TACC2: variants seen among roughly 807,000 people sequenced by gnomAD.
The protein encoded by TACC2 is transforming acidic coiled-coil containing protein 2, also known as transforming acidic coiled-coil-containing protein 2.
TACC2 carries 137 observed loss-of-function variants against 227.3 expected under a neutral mutation model. The observed-to-expected ratio is 0.60, with a 90% CI of 0.52 to 0.69. The LOEUF (loss-of-function observed/expected upper bound fraction) is 0.69, where lower values mean the gene tolerates loss of function less well. Among genes scored for constraint, TACC2 ranks in the 30% least tolerant of loss-of-function variants. The probability of loss-of-function intolerance (pLI) is 0.00; values close to 1 mark genes in which losing one functional copy is unlikely to be tolerated. For missense variants in TACC2, 3,470 were observed against 3,694.4 expected (o/e 0.94, Z 1.57); for synonymous variants, 1,523 against 1,487.5 (o/e 1.02, Z -0.55).
chr10:122,113,810 A>G (rs4074577), intron 5 of TACC2, among the ~76,000 whole-genome samples: 113,692 of 152,180 alleles, frequency 0.75, 44,802 homozygotes, highest in East Asian at 0.93. Context: ...ATCCGGCGCA[A>G]CACGTGACCC....
chr10:122,033,005 CA>C lies in TACC2; in HGVS notation c.33+10998del. 3.6e-5 allele frequency: 29 copies of C among 809,522 alleles called. 2 individuals are homozygous for C. In the Middle Eastern group the frequency reaches 5.2e-3, roughly 144 times the overall value. The allele number at this position is 809,522 out of a possible 1,614,324, so 50.1% of individuals were successfully genotyped here. ...ACAACAACAACAACAACAACAAAAA[CA>C]AAAAAACCCCACAAAAACACCAAAG... On this transcript the variant is annotated intron_variant, in intron 2 of 22. Transcript: ENST00000369005.
At chr10:122,191,136 G>A (rs1181554248) in intron 7 of TACC2, among the ~76,000 whole-genome samples, 1 of 150,542 alleles carries the variant, frequency 6.6e-6, no homozygotes, top group Non-Finnish European at 1.5e-5. Context: ...TTTTTTTTAA[G>A]AGTCGAGGTC....
intron 2 of TACC2, among the ~76,000 whole-genome samples, chr10:122,045,626 A>G (rs1382591877): frequency 6.6e-6 from 1 of 152,254 alleles, no homozygotes; most frequent in Non-Finnish European, 1.5e-5. Flanking sequence ...TTGTGGAAAG[A>G]GCACTGGACT....
At chr10:122,163,723 C>A in intron 7 of TACC2, 2 of 1,152,254 alleles carry the variant, frequency 1.7e-6, no homozygotes, top group Non-Finnish European at 2.1e-6. Context: ...ACATACGCGG[C>A]GCTCGCCCCC....
At position 122,227,861 on chromosome 10, in the gene TACC2, C is replaced by T. The variant is rs2095658952; in HGVS notation, c.7749C>T (p.Ala2583=). ...GGTCAAGTTTTGAAGAGACTGAAGC[C>T]CTTGTGAACACTGCTGCGAAAAACC... The part of the protein sequence containing the change: ...CSGSSFEETE[A]LVNTAAKNQH... The change falls in exon 14 of 23, where the codon GCC becomes GCT. Residue 2583 remains alanine (A), a synonymous_variant. Coordinates refer to ENST00000369005, the MANE Select transcript of TACC2 (RefSeq NM_206862.4). 3.1e-6 allele frequency: 5 copies of T among 1,613,988 alleles called. No individual in the cohort carries two copies. Among genetic ancestry groups the T allele is most frequent in the Non-Finnish European group, 3.4e-6 (4 of 1,179,948 alleles).
intron 5 of TACC2, among the ~76,000 whole-genome samples, chr10:122,132,030 G>A (rs1026962568): frequency 8.9e-6 from 1 of 111,802 alleles, no homozygotes; most frequent in African/African-American, 4.2e-5. Flanking sequence ...AAAAAAGAAA[G>A]AAAAAGAAAG....
intron 1 of TACC2, among the ~76,000 whole-genome samples, chr10:121,992,642 A>T (rs1443872169): frequency 6.6e-6 from 1 of 152,172 alleles, no homozygotes; most frequent in African/African-American, 2.4e-5. Flanking sequence ...TGGGCAATTG[A>T]TCCAAGTCAC....
chr10:122,006,607 T>C (rs114795184), intron 1 of TACC2, among the ~76,000 whole-genome samples: 3,050 of 152,212 alleles, frequency 0.02, 90 homozygotes, highest in African/African-American at 0.068. Flanking sequence ...ATTGATTGTT[T>C]TGGGTTAATT....
chr10:122,051,746 AC>A (rs1565164380), intron 3 of TACC2: 1 of 146,940 alleles, frequency 6.8e-6, no homozygotes, highest in Admixed American at 6.8e-5. Context: ...GCTTTGCAAA[AC>A]CTTGAGACTC....
chr10:122,142,098 T>TGG (rs1476842389), intron 6 of TACC2, among the ~76,000 whole-genome samples: 1 of 152,266 alleles, frequency 6.6e-6, no homozygotes, highest in African/African-American at 2.4e-5. Context: ...TCCACTTTGC[T>TGG]GTTTTGCTGG....
chr10:122,151,567 G>A (rs2092043133), intron 7 of TACC2, among the ~76,000 whole-genome samples: 3 of 152,154 alleles, frequency 2.0e-5, no homozygotes, highest in South Asian at 2.1e-4. Context: ...AGACTGGGGA[G>A]TTTGCTGGTG....
chr10:122,068,295 T>C (rs1396982471), intron 3 of TACC2, among the ~76,000 whole-genome samples: 1 of 152,212 alleles, frequency 6.6e-6, no homozygotes, highest in Non-Finnish European at 1.5e-5. Flanking sequence ...TTCTATTATC[T>C]GTGTAATTTC....
At position 122,213,360 on chromosome 10, in the gene TACC2, G is replaced by A. The variant is rs565690794; in HGVS notation, c.7283+1652G>A. ...GTCTTAGGATGGTTGAAGATGTGAT[G>A]TCTGTGTGTTCTCTGTTGTAAGTAA... is the stretch of plus-strand genomic sequence containing the variant. On this transcript the variant is annotated intron_variant, in intron 9 of 22. Transcript: ENST00000369005. 4.5e-5 allele frequency: 72 copies of A among 1,612,224 alleles called. No homozygotes were observed. The South Asian group carries it at 7.7e-4, about 17-fold the overall frequency.
At chr10:122,106,955 C>T (rs976920938) in intron 5 of TACC2, among the ~76,000 whole-genome samples, 28 of 152,228 alleles carry the variant, frequency 1.8e-4, no homozygotes, top group African/African-American at 6.5e-4. Flanking sequence ...CCAGGCACTG[C>T]GCCCTCGCAT....
At chr10:122,225,377 A>G (rs982467709) in intron 12 of TACC2, among the ~76,000 whole-genome samples, 6 of 152,216 alleles carry the variant, frequency 3.9e-5, no homozygotes, top group Non-Finnish European at 8.8e-5. Context: ...TGCATTAGTC[A>G]TAGATGCCGG....
In TACC2 at chr10:121,989,210, C is replaced by T. The variant is rs1565009708; in HGVS notation, c.-324C>T. The T allele has an allele frequency of 6.6e-6, 1 of 152,296 alleles. No homozygotes were observed. Among genetic ancestry groups the T allele is most frequent in the Non-Finnish European group, 1.5e-5 (1 of 68,074 alleles). 9.4% of individuals were successfully genotyped at this position (152,296 alleles called of 1,614,324 possible). A position where few individuals can be genotyped will look rare whatever the true frequency, so the allele number is the denominator to read the frequency against. ...GGGAAGGATCAGGAGAGAAGAAACG[C>T]AAATCCCAGAACCGTGCCAACATAT... is the stretch of plus-strand genomic sequence containing the variant. On this transcript the variant is annotated 5_prime_UTR_variant, in exon 1 of 23. Transcript: ENST00000369005.
intron 7 of TACC2, chr10:122,163,706 C>A (rs574777994): frequency 2.9e-6 from 3 of 1,025,158 alleles, no homozygotes; most frequent in Admixed American, 5.2e-5. Flanking sequence ...GCCACACTCG[C>A]GCGCACACAT....
intron 3 of TACC2, among the ~76,000 whole-genome samples, chr10:122,073,589 T>C (rs573039895): frequency 1.3e-5 from 2 of 152,138 alleles, no homozygotes; most frequent in East Asian, 1.9e-4. Flanking sequence ...TACTAAAAGC[T>C]CTACTGAGAA....
At chr10:122,036,500 CTTT>C (rs372264940) in intron 2 of TACC2, among the ~76,000 whole-genome samples, 5 of 132,072 alleles carry the variant, frequency 3.8e-5, no homozygotes, top group Admixed American at 2.4e-4. Context: ...GCAATCCATT[CTTT>C]TTTTTTTTTT....
Sources: allele counts gnomAD v4.1 joint callset (sites outside exome capture counted in the v4.1 genomes callset), GRCh38; gene constraint gnomAD v4.1.1; transcripts MANE v1.5; gene names NCBI Gene and HGNC (gene_info 2026-07-23, HGNC 2026-07-21).